CACNA1S: variants seen among roughly 807,000 people sequenced by gnomAD.
CACNA1S encodes the protein calcium voltage-gated channel subunit alpha1 S.
CACNA1S carries 126 observed loss-of-function variants against 207.4 expected under a neutral mutation model. The observed-to-expected ratio is 0.61, with a 90% confidence interval of 0.53 to 0.70. The LOEUF (loss-of-function observed/expected upper bound fraction) is 0.70, where lower values mean the gene tolerates loss of function less well. CACNA1S is among the 30% of genes least tolerant of loss of function. The pLI is 0.00. For missense variants in CACNA1S, 2,349 were observed against 2,422.8 expected, an observed-to-expected ratio of 0.97 and a Z score of 0.64; for synonymous variants, 960 against 932.7, an observed-to-expected ratio of 1.03 and a Z score of -0.53.
intron 9 of CACNA1S, 45 bp from the exon 10 acceptor site, chr1:201,083,367 A>C: frequency 6.2e-7 from 1 of 1,602,062 alleles, no homozygotes; most frequent in Non-Finnish European, 8.6e-7. Context: ...GTGCTGTTCT[A>C]CGCCCCACCT....
chr1:201,101,000 A>G (rs762445210), intron 2 of CACNA1S, among the ~76,000 whole-genome samples: 3 of 152,194 alleles, frequency 2.0e-5, no homozygotes, highest in Non-Finnish European at 2.9e-5. Context: ...GATACTCTCA[A>G]TAGTATTAAT....
chr1:201,062,191 A>G (rs2102576219), intron 23 of CACNA1S, 101 bp from the exon 24 acceptor site: 1 of 1,456,712 alleles, frequency 6.9e-7, no homozygotes, highest in South Asian at 1.2e-5. Flanking sequence ...GGAGAAATGA[A>G]GTTCCAGATC....
intron 10 of CACNA1S, 70 bp from the exon 11 acceptor site, chr1:201,078,174 G>A: frequency 7.8e-7 from 1 of 1,277,638 alleles, no homozygotes; most frequent in South Asian, 1.2e-5. Context: ...CTTGGCTGTG[G>A]CTGGGCCTCA....
chr1:201,064,678 G>A (rs1367607937), intron 22 of CACNA1S, among the ~76,000 whole-genome samples: 1 of 152,234 alleles, frequency 6.6e-6, no homozygotes, highest in South Asian at 2.1e-4. Context: ...GGGTGTTGGT[G>A]TATACTTAGG....
chr1:201,093,784 G>C, intron 3 of CACNA1S, 98 bp downstream of exon 3: 1 of 1,443,920 alleles, frequency 6.9e-7, no homozygotes, highest in Non-Finnish European at 9.7e-7. Flanking sequence ...CACAATGCTG[G>C]AGTCCCACCC....
chr1:201,096,798 T>A (rs2102171739), intron 2 of CACNA1S, among the ~76,000 whole-genome samples: 1 of 152,350 alleles, frequency 6.6e-6, no homozygotes, highest in Admixed American at 6.5e-5. Context: ...GCTATTCTTA[T>A]GAGACACGTG....
At chr1:201,090,886 A>C (rs1450666955) in intron 5 of CACNA1S, among the ~76,000 whole-genome samples, 1 of 152,212 alleles carries the variant, frequency 6.6e-6, no homozygotes, top group Non-Finnish European at 1.5e-5. Flanking sequence ...TCTTCTCACC[A>C]AATATTACTG....
At chr1:201,069,325 G>T in intron 18 of CACNA1S, 129 bp from the exon 19 acceptor site, 1 of 1,407,732 alleles carries the variant, frequency 7.1e-7, no homozygotes, top group Non-Finnish European at 1.0e-6. Flanking sequence ...CAGAAGGAGT[G>T]GAGTGGGCAG....
rs142163150 is a variant in CACNA1S, at chr1:201,088,930, G to A, written c.900+328C>T. Among the ~76,000 whole-genome samples the A allele has an allele frequency of 2.2e-3, 340 of 152,314 alleles. 3 individuals are homozygous for A. Among genetic ancestry groups the A allele is most frequent in the African/African-American group, 7.7e-3 (318 of 41,562 alleles). On this transcript the variant is annotated intron_variant, in intron 6 of 43. Transcript: ENST00000362061. ...AGGAAAAAGACTCAAAGGGCCCTTC[G>A]TTCCTCAAAAAGTGTGAAATTCTAA... is the stretch of plus-strand genomic sequence containing the variant.
At chr1:201,104,813 C>T (rs1662812854) in intron 2 of CACNA1S, among the ~76,000 whole-genome samples, 1 of 152,356 alleles carries the variant, frequency 6.6e-6, no homozygotes, top group African/African-American at 2.4e-5. Context: ...TTGGTCCCCT[C>T]AGCCTGGCCT....
intron 10 of CACNA1S, among the ~76,000 whole-genome samples, chr1:201,081,374 G>A (rs964880662): frequency 3.3e-5 from 5 of 152,218 alleles, no homozygotes; most frequent in Admixed American, 1.3e-4. Flanking sequence ...TTACTTGTTT[G>A]TAGTGGGGAG....
At chr1:201,098,596 C>G (rs1662522939) in intron 2 of CACNA1S, among the ~76,000 whole-genome samples, 1 of 152,198 alleles carries the variant, frequency 6.6e-6, no homozygotes, top group Non-Finnish European at 1.5e-5. Flanking sequence ...ACACAGGAGG[C>G]TCTCAGGCTA....
rs199507117 is a variant in CACNA1S at position 201,048,549 on chromosome 1, A to C, written c.4441+33T>G. On this transcript the variant is annotated intron_variant, in intron 36 of 43. Transcript: ENST00000362061. Reference sequence around the variant, plus strand: ...TGTGCCAGAAACAGCCTCTGGGAGAAAGGAGGGGGCTCACATTGGAAGGCA... The same window carrying C: ...TGTGCCAGAAACAGCCTCTGGGAGACAGGAGGGGGCTCACATTGGAAGGCA... 8.8e-4 allele frequency: 1,327 copies of C among 1,499,492 alleles called. 4 individuals carry two copies. The African/African-American group carries it at 0.013, about 14-fold the overall frequency. The allele number at this position is 1,499,492 out of a possible 1,614,324, so 92.9% of individuals were successfully genotyped here.
At position 201,075,499 on chromosome 1, in the gene CACNA1S, G is replaced by A. The variant is rs145733062; in HGVS notation, c.1944C>T (p.Gly648=). ...CIYFIILFVC[G]NYILLNVFLA... ...ACCCTGCTCCCGAGAGGATACAGTT[G>A]CCACAGACGAAAAGGATGATGAAGT... is the stretch of plus-strand genomic sequence containing the variant. The change falls in exon 13 of 44, where the codon GGC becomes GGT. Residue 648 remains glycine, a synonymous_variant. Transcript: ENST00000362061. 27 of 1,581,036 alleles carry A rather than the reference G, an allele frequency of 1.7e-5. No individual in the cohort carries two copies. The highest frequency in any genetic ancestry group is 2.2e-5 in the Non-Finnish European group (26 of 1,159,456).
chr1:201,110,258 G>T lies in CACNA1S; in HGVS notation c.164C>A (p.Thr55Lys), dbSNP rs549107212. Residue 55 changes from threonine to lysine, a missense_variant, in exon 2 of 44, where the codon ACG (threonine) becomes AAG (lysine). By Grantham distance (78) the Thr-to-Lys change is moderately conservative (BLOSUM62 -1). Coordinates refer to ENST00000362061, the MANE Select transcript of CACNA1S (RefSeq NM_000069.3). Reference protein sequence around the residue: ...ISIVEWKPFETIILLTIFANC... With the variant: ...ISIVEWKPFEKIILLTIFANC... ...GGCAAAGATGGTGAGCAAGATGATC[G>T]TCTCGAAGGGCCTGGAGCCAGGGTT... 1.9e-6 allele frequency: 3 copies of T among 1,614,094 alleles called. No homozygotes were observed. Among genetic ancestry groups the T allele is most frequent in the East Asian group, 4.5e-5 (2 of 44,896 alleles).
chr1:201,052,490 A>G (rs1660687811), intron 32 of CACNA1S, 67 bp downstream of exon 32: 11 of 1,259,108 alleles, frequency 8.7e-6, no homozygotes, highest in African/African-American at 1.5e-5. Flanking sequence ...GCTCCAGTGC[A>G]CATTAGAACA....
intron 34 of CACNA1S, 44 bp from the exon 35 acceptor site, chr1:201,049,143 G>T (rs368697614): frequency 2.2e-6 from 3 of 1,375,370 alleles, no homozygotes; most frequent in Non-Finnish European, 3.1e-6. Flanking sequence ...ACCCTCCTCC[G>T]CTGCCAGAAC....
chr1:201,053,085 C>G lies in CACNA1S; in HGVS notation c.3861+124G>C. ...AGGGAGGTTGTCCCTCCTTCTTTCT[C>G]ACGAGCAAGGCAGGGAGGGCGGAGG... On this transcript the variant is annotated intron_variant, in intron 31 of 43. Transcript: ENST00000362061. This position sits in a 1 kb window ranked among gnomAD's most constrained non-coding sequence, Gnocchi z 5.1. The G allele has an allele frequency of 8.9e-7, 1 of 1,128,992 alleles. No homozygotes were observed. Among genetic ancestry groups the G allele is most frequent in the Non-Finnish European group, 1.4e-6 (1 of 739,738 alleles). 69.9% of individuals were successfully genotyped at this position (1,128,992 alleles called of 1,614,324 possible).
rs753903624 is a variant in CACNA1S at position 201,053,556 on chromosome 1, G to A, written c.3698C>T (p.Ala1233Val). The change falls in exon 30 of 44, where the codon GCC becomes GTC. Residue 1233 changes from alanine to valine, a missense_variant. Physicochemically the swap from Ala to Val is moderately conservative, Grantham distance 64. Transcript: ENST00000362061. This position sits in a 1 kb window ranked among gnomAD's most constrained non-coding sequence, Gnocchi z 5.1. Reference protein sequence around the residue: ...DPDESARISSAFFRLFRVMRL... With the variant: ...DPDESARISSVFFRLFRVMRL... Reference sequence around the variant, plus strand: ...CATGACACGGAACAGGCGGAAGAAGGCGCTGGAGATGCGGGCACTCTCATC... The same window carrying A: ...CATGACACGGAACAGGCGGAAGAAGACGCTGGAGATGCGGGCACTCTCATC... The A allele has an allele frequency of 6.2e-7, 1 of 1,614,002 alleles. No individual in the cohort carries two copies. The highest frequency in any genetic ancestry group is 8.5e-7 in the Non-Finnish European group (1 of 1,179,996).
Sources: gnomAD v4.1 joint callset for allele counts (sites outside exome capture counted in the v4.1 genomes callset) on GRCh38, gnomAD v4.1.1 for gene constraint, Gnocchi (gnomAD v3.1) non-coding constraint, MANE v1.5 for transcripts, NCBI Gene and HGNC (gene_info 2026-07-23, HGNC 2026-07-21) for gene names.